PCCB: variants seen among roughly 807,000 people sequenced by gnomAD.
The protein encoded by PCCB is propionyl-CoA carboxylase beta chain, mitochondrial.
Under a neutral mutation model 60.7 loss-of-function variants are expected in PCCB, and 43 were observed. That is an observed-to-expected ratio of 0.71 (90% CI 0.55 to 0.91). The LOEUF (loss-of-function observed/expected upper bound fraction) is 0.91, where lower values mean the gene tolerates loss of function less well. Ranked by LOEUF, PCCB falls within the 40% of genes least tolerant of loss-of-function variation. The pLI is 0.00. For missense variants in PCCB, 766 were observed against 702.8 expected (o/e 1.09, Z -1.02); for synonymous variants, 276 against 255.9 (o/e 1.08, Z -0.75).
chr3:136,272,896 G>A (rs1387945267), intron 5 of PCCB, among the ~76,000 whole-genome samples: 2 of 152,060 alleles, frequency 1.3e-5, no homozygotes, highest in African/African-American at 4.8e-5. Flanking sequence ...CTGGTTCATT[G>A]AGGTGAGACA....
chr3:136,260,521 C>T lies in PCCB; in HGVS notation c.415C>T (p.Gln139Ter). The T allele has an allele frequency of 1.2e-6, 2 of 1,613,074 alleles. No homozygotes were observed. The highest frequency in any genetic ancestry group is 1.7e-6 in the Non-Finnish European group (2 of 1,179,162). ...AGGCAGTCTGTCAGGAGCACATGCC[C>T]AAAAGATCTGCAAAGTAAGTGTTTA... ...FGGSLSGAHAQKICKIMDQAI... is the reference protein window; with the variant it reads ...FGGSLSGAHA The change falls in exon 4 of 15, where the codon CAA becomes TAA. Residue 139 changes from glutamine to a stop codon, truncating the protein, a stop_gained. Transcript: ENST00000251654. LOFTEE classifies it high-confidence loss of function.
At chr3:136,285,673 C>T (rs1055159392) in intron 6 of PCCB, among the ~76,000 whole-genome samples, 1 of 152,118 alleles carries the variant, frequency 6.6e-6, no homozygotes. Context: ...CATTTCTTCT[C>T]ACAACTCTGA....
Position 136,329,333 on chromosome 3 carries a change from C to G in PCCB, c.1498+476C>G, listed in dbSNP as rs150415859. 8.0e-3 allele frequency among the ~76,000 whole-genome samples: 1,219 copies of G among 152,318 alleles called. 6 individuals carry two copies. Among genetic ancestry groups the G allele is most frequent in the South Asian group, 0.014 (67 of 4,824 alleles). On this transcript the variant is annotated intron_variant, in intron 14 of 14. Coordinates refer to ENST00000251654, the MANE Select transcript of PCCB (RefSeq NM_000532.5). ...TGGTAGTTGCTGTTAGCTAGACTCA[C>G]TCCCCACGTGGCCTCTCACCCTTGA...
At chr3:136,265,428 C>G (rs1447052350) in intron 5 of PCCB, among the ~76,000 whole-genome samples, 1 of 152,168 alleles carries the variant, frequency 6.6e-6, no homozygotes, top group Non-Finnish European at 1.5e-5. Flanking sequence ...CATCTGACTC[C>G]TTTCACTAAG....
chr3:136,295,830 CTGAG>C (rs1182512763), intron 7 of PCCB, among the ~76,000 whole-genome samples: 5 of 151,186 alleles, frequency 3.3e-5, no homozygotes, highest in Non-Finnish European at 7.4e-5. Context: ...CTTATGTAAC[CTGAG>C]TTTTTTTTTT....
intron 10 of PCCB, among the ~76,000 whole-genome samples, chr3:136,324,069 T>C (rs1935209472): frequency 6.6e-6 from 1 of 151,968 alleles, no homozygotes; most frequent in African/African-American, 2.4e-5. Flanking sequence ...AGAGACTATA[T>C]TTTTTGTCAT....
intron 9 of PCCB, among the ~76,000 whole-genome samples, chr3:136,309,262 C>CA (rs1202774808): frequency 0.034 from 1,576 of 46,200 alleles, 23 homozygotes; most frequent in African/African-American, 0.063. Context: ...GACTCCATCT[C>CA]AAAAAAAAAA....
chr3:136,313,247 A>G (rs1560026358), intron 9 of PCCB, among the ~76,000 whole-genome samples: 1 of 152,192 alleles, frequency 6.6e-6, no homozygotes, highest in Non-Finnish European at 1.5e-5. Context: ...ATACAAAATT[A>G]TAGATGTACG....
chr3:136,299,918 G>GTATGCATATGTATATGTATACGCA (rs1934176749), intron 8 of PCCB, among the ~76,000 whole-genome samples: 1 of 151,760 alleles, frequency 6.6e-6, no homozygotes, highest in East Asian at 1.9e-4. Flanking sequence ...GCATGTATAT[G>GTATGCATATGTATATGTATACGCA]TATGCATATG....
chr3:136,317,210 TA>T, intron 10 of PCCB, 146 bp downstream of exon 10: 2 of 484,012 alleles, frequency 4.1e-6, no homozygotes, highest in Non-Finnish European at 6.9e-6. Flanking sequence ...TTATAAAAGC[TA>T]ATTTTTTTTT....
intron 9 of PCCB, among the ~76,000 whole-genome samples, chr3:136,312,906 A>G (rs141594942): frequency 1.4e-4 from 21 of 152,350 alleles, no homozygotes; most frequent in Middle Eastern, 6.8e-3. Flanking sequence ...GGGATTAACA[A>G]CCAAAATTGA....
intron 7 of PCCB, among the ~76,000 whole-genome samples, chr3:136,297,426 C>G (rs1245206843): frequency 6.6e-6 from 1 of 152,148 alleles, no homozygotes; most frequent in Non-Finnish European, 1.5e-5. Flanking sequence ...TCAGAGTGCT[C>G]TTCAAGAATT....
At position 136,283,848 on chromosome 3, in the gene PCCB, G is replaced by A. The variant is rs543691110; in HGVS notation, c.555G>A (p.Thr185=). ...GYADIFLRNV[T]ASGVIPQISL... The stretch of plus-strand genomic sequence containing the variant: ...TTCTGTTTTGGCAGAGGAATGTTAC[G>A]GCATCCGGAGTCATCCCTCAGATTT... The change falls in exon 6 of 15, where the codon ACG becomes ACA. Residue 185 remains threonine (T), a synonymous_variant. Coordinates refer to ENST00000251654, the MANE Select transcript of PCCB (RefSeq NM_000532.5). 9.3e-6 allele frequency: 15 copies of A among 1,611,512 alleles called. No individual in the cohort carries two copies. Among genetic ancestry groups the A allele is most frequent in the Middle Eastern group, 1.7e-4 (1 of 6,032 alleles).
At chr3:136,259,708 CTTCTT>C (rs1236106064) in intron 3 of PCCB, among the ~76,000 whole-genome samples, 7 of 152,142 alleles carry the variant, frequency 4.6e-5, no homozygotes, top group African/African-American at 1.2e-4. Context: ...ATAAATCAGA[CTTCTT>C]TTCTAATTTT....
chr3:136,289,251 A>G (rs745801099), intron 6 of PCCB, among the ~76,000 whole-genome samples: 1 of 152,142 alleles, frequency 6.6e-6, no homozygotes, highest in Non-Finnish European at 1.5e-5. Flanking sequence ...TTCAACTGTA[A>G]TCATGGATTC....
At chr3:136,329,475 A>G (rs1935459646) in intron 14 of PCCB, among the ~76,000 whole-genome samples, 1 of 152,236 alleles carries the variant, frequency 6.6e-6, no homozygotes, top group Non-Finnish European at 1.5e-5. Context: ...TTATAGGCCA[A>G]GAAAACTCAA....
intron 9 of PCCB, among the ~76,000 whole-genome samples, chr3:136,307,865 C>A (rs376343536): frequency 1.3e-3 from 204 of 151,970 alleles, no homozygotes; most frequent in South Asian, 9.4e-3. Flanking sequence ...ATCCCAGCTA[C>A]CCGGGAGGCT....
At chr3:136,300,554 CT>C (rs1450291430) in intron 8 of PCCB, among the ~76,000 whole-genome samples, 5 of 152,152 alleles carry the variant, frequency 3.3e-5, no homozygotes, top group Admixed American at 1.3e-4. Flanking sequence ...TGCAGTTTTG[CT>C]TTTTGAAGGA....
At chr3:136,256,444 A>T (rs1941672204) in intron 2 of PCCB, 111 bp from the exon 3 acceptor site, 2 of 770,356 alleles carry the variant, frequency 2.6e-6, no homozygotes, top group Admixed American at 2.0e-5. Context: ...GTTCATATTG[A>T]CGTTTTAGGA....
Sources: allele counts gnomAD v4.1 joint callset (sites outside exome capture counted in the v4.1 genomes callset), GRCh38; gene constraint gnomAD v4.1.1; transcripts MANE v1.5; gene names NCBI Gene and HGNC (gene_info 2026-07-23, HGNC 2026-07-21).